The following C20orf203 variants were observed in gnomAD, a reference collection of about 807,000 sequenced individuals.
C20orf203 encodes the protein chromosome 20 open reading frame 203.
Under a neutral mutation model 15.9 loss-of-function variants are expected in C20orf203, and 16 were observed. The ratio of observed to expected loss-of-function variants is 1.01; its 90% confidence interval spans 0.68 to 1.53. The LOEUF is 1.53. C20orf203 is among the 40% of genes most tolerant of loss of function. C20orf203 has a pLI of 0.00. For synonymous variants in C20orf203, 98 were observed against 97.2 expected (o/e 1.01, Z -0.05); for missense variants, 263 against 247.5 (o/e 1.06, Z -0.42).
intron 1 of C20orf203, among the ~76,000 whole-genome samples, chr20:32,667,657 T>C (rs1983066524): frequency 6.6e-6 from 1 of 152,208 alleles, no homozygotes; most frequent in Admixed American, 6.5e-5. Flanking sequence ...ATAGAATCAC[T>C]GTATTTCTGA....
intron 1 of C20orf203, among the ~76,000 whole-genome samples, 156 bp from the exon 2 acceptor site, chr20:32,652,137 C>T (rs192218912): frequency 2.6e-5 from 4 of 151,952 alleles, no homozygotes; most frequent in African/African-American, 7.2e-5. Context: ...AACAAAACCT[C>T]GTCTCTACTA....
At chr20:32,652,036 G>A (rs983069351) in intron 1 of C20orf203, 55 bp from the exon 2 acceptor site, 1 of 152,206 alleles carries the variant, frequency 6.6e-6, no homozygotes, top group Non-Finnish European at 1.5e-5. Flanking sequence ...AGCAAATGTG[G>A]CTGGATGCAG....
chr20:32,671,840 C>CA (rs869043468), intron 1 of C20orf203, among the ~76,000 whole-genome samples: 8,955 of 65,938 alleles, frequency 0.14, 467 homozygotes, highest in East Asian at 0.3. Context: ...ACTCTGTCTC[C>CA]AAAAAAAAAA....
chr20:32,655,505 T>C (rs779360687), intron 1 of C20orf203, among the ~76,000 whole-genome samples: 1 of 152,086 alleles, frequency 6.6e-6, no homozygotes, highest in South Asian at 2.1e-4. Flanking sequence ...AGTTTAAAAA[T>C]GGGCTGAGCC....
intron 1 of C20orf203, among the ~76,000 whole-genome samples, chr20:32,661,176 C>T (rs1266999952): frequency 2.0e-5 from 3 of 152,206 alleles, no homozygotes; most frequent in African/African-American, 4.8e-5. Flanking sequence ...CAGGACCCGA[C>T]TTAGTCATCG....
At chr20:32,657,435 A>G (rs1982787102) in intron 1 of C20orf203, 1 of 152,146 alleles carries the variant, frequency 6.6e-6, no homozygotes, top group Admixed American at 6.6e-5. Context: ...GGTTGCAGTG[A>G]GCTGAGATCT....
chr20:32,652,185 T>C (rs1982645981), intron 1 of C20orf203, among the ~76,000 whole-genome samples: 1 of 151,952 alleles, frequency 6.6e-6, no homozygotes, highest in South Asian at 2.1e-4. Flanking sequence ...GGTGCACGCC[T>C]GTAGTACCAA....
intron 1 of C20orf203, among the ~76,000 whole-genome samples, chr20:32,666,794 A>ATATATATATATAT (rs1983040119): frequency 2.5e-5 from 1 of 39,396 alleles, no homozygotes; most frequent in Non-Finnish European, 7.5e-5. Flanking sequence ...AATTAATTTT[A>ATATATATATATAT]ATTTATATAT....
chr20:32,642,722 G>T (rs1186641365), intron 4 of C20orf203, among the ~76,000 whole-genome samples: 1 of 152,134 alleles, frequency 6.6e-6, no homozygotes, highest in Non-Finnish European at 1.5e-5. Flanking sequence ...GTCCCTGCCA[G>T]CCTCTGGCCC....
intron 1 of C20orf203, among the ~76,000 whole-genome samples, chr20:32,652,963 C>T (rs1982672398): frequency 6.6e-6 from 1 of 152,198 alleles, no homozygotes; most frequent in Admixed American, 6.5e-5. Context: ...GATCAGAGCT[C>T]AGCCAGAGGA....
chr20:32,636,575 G>A lies in C20orf203; in HGVS notation c.*1300-2305C>T, dbSNP rs373346262. On this transcript the variant is annotated intron_variant, in intron 5 of 5. Coordinates refer to ENST00000608990, the MANE Select transcript of C20orf203 (RefSeq NM_182584.4). ...GCACAGCCCCTCTGCAGACACGCAAGGCCCCTGTCATCCCTTCCTGCCTCA... is the reference window on the plus strand; with the variant it reads ...GCACAGCCCCTCTGCAGACACGCAAAGCCCCTGTCATCCCTTCCTGCCTCA... 3.3e-4 allele frequency among the ~76,000 whole-genome samples: 50 copies of A among 152,254 alleles called. No individual in the cohort carries two copies. The East Asian group carries it at 9.3e-3, about 28-fold the overall frequency.
chr20:32,637,204 G>A (rs924672185), intron 5 of C20orf203, among the ~76,000 whole-genome samples: 1 of 152,244 alleles, frequency 6.6e-6, no homozygotes, highest in Non-Finnish European at 1.5e-5. Context: ...CCTGAGGTCA[G>A]GAGCTTGAGA....
rs1157983109 is a variant in C20orf203 at position 32,634,080 on chromosome 20, G to C, written c.*1490C>G. 2.5e-6 allele frequency: 1 copy of C among 398,510 alleles called. No individual in the cohort carries two copies. 24.7% of individuals were successfully genotyped at this position (398,510 alleles called of 1,614,324 possible). ...TGTTGGGAATTCCGAGATGAATCCA[G>C]CCTGAGCTTTGTCCTTGGGGGACAC... On this transcript the variant is annotated 3_prime_UTR_variant, in exon 6 of 6. Transcript: ENST00000608990.
chr20:32,641,710 G>A (rs967898455), intron 4 of C20orf203, among the ~76,000 whole-genome samples: 2 of 152,176 alleles, frequency 1.3e-5, no homozygotes, highest in African/African-American at 4.8e-5. Context: ...GTATCTCTCT[G>A]ATAGCCAATA....
intron 4 of C20orf203, among the ~76,000 whole-genome samples, chr20:32,645,128 C>T (rs1982388921): frequency 6.6e-6 from 1 of 152,080 alleles, no homozygotes; most frequent in Non-Finnish European, 1.5e-5. Flanking sequence ...CAGCCTGGCC[C>T]ACACTGTGGA....
rs118069485 is a variant in C20orf203, at chr20:32,641,297, T to G, written c.*1178-610A>C. ...CTGCAGTGAGCCGTGATCACGCTAT[T>G]GCACTCCAGCCTGGGTGACAGAGCA... is the stretch of plus-strand genomic sequence containing the variant. On this transcript the variant is annotated intron_variant, in intron 4 of 5. Transcript: ENST00000608990. Among the ~76,000 whole-genome samples the G allele has an allele frequency of 2.8e-5, 4 of 142,470 alleles. No homozygotes were observed. The East Asian group carries it at 8.2e-4, about 29-fold the overall frequency. The allele number at this position is 142,470 out of a possible 152,430, so 93.5% of individuals were successfully genotyped here.
intron 5 of C20orf203, among the ~76,000 whole-genome samples, chr20:32,639,389 A>C (rs921861642): frequency 2.0e-4 from 30 of 152,318 alleles, no homozygotes; most frequent in African/African-American, 5.8e-4. Flanking sequence ...ATGGGCTTCC[A>C]ACCAGGCCAA....
At chr20:32,647,415 G>C (rs1036283376) in intron 4 of C20orf203, among the ~76,000 whole-genome samples, 3 of 142,116 alleles carry the variant, frequency 2.1e-5, no homozygotes, top group Non-Finnish European at 4.6e-5. Flanking sequence ...AAAAAAAGAA[G>C]AACTAGGGTT....
intron 1 of C20orf203, among the ~76,000 whole-genome samples, chr20:32,666,001 C>A (rs1176355718): frequency 6.6e-6 from 1 of 151,084 alleles, no homozygotes; most frequent in Non-Finnish European, 1.5e-5. Flanking sequence ...GGTGTGCTGG[C>A]GCATGCCTGT....
Sources: allele counts gnomAD v4.1 joint callset (sites outside exome capture counted in the v4.1 genomes callset), GRCh38; gene constraint gnomAD v4.1.1; transcripts MANE v1.5; gene names NCBI Gene and HGNC (gene_info 2026-07-23, HGNC 2026-07-21).